The following ARHGEF28 variants were observed in gnomAD, a reference collection of about 807,000 sequenced individuals.
The protein encoded by ARHGEF28 is Rho guanine nucleotide exchange factor 28, also known as 190 kDa guanine nucleotide exchange factor.
ARHGEF28 carries 152 observed loss-of-function variants against 206.6 expected under a neutral mutation model. The observed-to-expected ratio is 0.74, with a 90% confidence interval of 0.64 to 0.84. ARHGEF28 has a LOEUF of 0.84. Ranked by LOEUF, ARHGEF28 falls within the 40% of genes least tolerant of loss-of-function variation. The pLI is 0.00. For missense variants in ARHGEF28, 2,028 were observed against 2,073.2 expected (o/e 0.98, Z 0.42); for synonymous variants, 763 against 776.4 (o/e 0.98, Z 0.29).
chr5:73,871,146 C>G (rs956956454), intron 21 of ARHGEF28, among the ~76,000 whole-genome samples: 3 of 152,190 alleles, frequency 2.0e-5, no homozygotes, highest in Non-Finnish European at 4.4e-5. Flanking sequence ...TCTCAATTCT[C>G]AATTTCATAT....
chr5:73,940,799 C>T, intron 35 of ARHGEF28, 45 bp from the exon 36 acceptor site: 14 of 1,387,402 alleles, frequency 1.0e-5, no homozygotes, highest in Non-Finnish European at 1.2e-5. Flanking sequence ...CTGCCTTGTA[C>T]ATCTCAGGTG....
chr5:73,809,931 G>A (rs1755746532), intron 9 of ARHGEF28, among the ~76,000 whole-genome samples: 2 of 152,132 alleles, frequency 1.3e-5, no homozygotes, highest in Admixed American at 6.5e-5. Flanking sequence ...CAATCAGCCA[G>A]TAACAGTCAC....
chr5:73,887,720 A>G, intron 26 of ARHGEF28, 41 bp downstream of exon 26: 1 of 1,466,098 alleles, frequency 6.8e-7, no homozygotes, highest in East Asian at 2.5e-5. Flanking sequence ...AAATAGGTTT[A>G]ACCACACATT....
chr5:73,902,820 C>T (rs1319224299), intron 31 of ARHGEF28: 2 of 152,172 alleles, frequency 1.3e-5, no homozygotes, highest in Non-Finnish European at 2.9e-5. Context: ...GCATAAGTAA[C>T]CGCGGGTAGC....
chr5:73,713,953 T>A lies in ARHGEF28; in HGVS notation c.33+29069T>A, dbSNP rs974962202. 3.3e-5 allele frequency among the ~76,000 whole-genome samples: 5 copies of A among 152,170 alleles called. No individual in the cohort carries two copies. In the East Asian group the frequency reaches 9.6e-4, roughly 29 times the overall value. On this transcript the variant is annotated intron_variant, in intron 2 of 35. Coordinates refer to ENST00000513042, the MANE Select transcript of ARHGEF28 (RefSeq NM_001177693.2). ...TTAAACAGAAATCATTAATTTATCA[T>A]CAGGGAAAATGAAGGAAAGAAAGAG...
intron 7 of ARHGEF28, 101 bp from the exon 8 acceptor site, chr5:73,794,301 G>A: frequency 2.2e-6 from 2 of 927,270 alleles, no homozygotes; most frequent in Non-Finnish European, 1.7e-6. Context: ...TCTCTGTGCA[G>A]AAGGCTCCTG....
chr5:73,926,472 C>A (rs1763816106), intron 35 of ARHGEF28, among the ~76,000 whole-genome samples: 1 of 152,154 alleles, frequency 6.6e-6, no homozygotes, highest in Admixed American at 6.5e-5. Context: ...CAAGACCCTC[C>A]CAAACCTCCT....
intron 22 of ARHGEF28, among the ~76,000 whole-genome samples, chr5:73,881,530 G>A (rs2973582): frequency 0.59 from 90,156 of 151,960 alleles, 27,366 homozygotes; most frequent in African/African-American, 0.7. Flanking sequence ...GTACCCAGGT[G>A]ATTTTTTTGA....
Position 73,926,051 on chromosome 5 carries a change from T to C in ARHGEF28, c.4948+14476T>C, listed in dbSNP as rs1303729896. Among the ~76,000 whole-genome samples the C allele has an allele frequency of 6.6e-5, 10 of 152,346 alleles. No homozygotes were observed. The East Asian group carries it at 1.9e-3, about 29-fold the overall frequency. On this transcript the variant is annotated intron_variant, in intron 35 of 35. Transcript: ENST00000513042. ...ACTGTGAAATAGTGATTGTCCTGAC[T>C]ACAAACCTCCATGGTGCTGAGACCA... is the stretch of plus-strand genomic sequence containing the variant.
chr5:73,685,828 G>A (rs1747430991), intron 2 of ARHGEF28, among the ~76,000 whole-genome samples: 1 of 151,834 alleles, frequency 6.6e-6, no homozygotes, highest in Non-Finnish European at 1.5e-5. Context: ...TCACCATGTT[G>A]GCCAAGATGG....
chr5:73,893,761 C>T (rs1761791437), intron 28 of ARHGEF28, among the ~76,000 whole-genome samples: 1 of 152,166 alleles, frequency 6.6e-6, no homozygotes, highest in Non-Finnish European at 1.5e-5. Flanking sequence ...CCTCACCCTC[C>T]ACCGATTGAA....
At chr5:73,840,885 CT>C in intron 11 of ARHGEF28, 125 bp downstream of exon 11, 3 of 1,078,126 alleles carry the variant, frequency 2.8e-6, no homozygotes, top group Non-Finnish European at 2.6e-6. Context: ...AAAATGTCCC[CT>C]TTTAGGTTCC....
chr5:73,819,468 A>C (rs1317033447), intron 9 of ARHGEF28, among the ~76,000 whole-genome samples: 2 of 152,202 alleles, frequency 1.3e-5, no homozygotes, highest in Admixed American at 1.3e-4. Context: ...AAGCATAGCC[A>C]ATCGGAATCC....
At chr5:73,925,829 A>G (rs1208383617) in intron 35 of ARHGEF28, among the ~76,000 whole-genome samples, 1 of 152,152 alleles carries the variant, frequency 6.6e-6, no homozygotes, top group Non-Finnish European at 1.5e-5. Context: ...GAATATTCCA[A>G]AGTTTACTTA....
intron 2 of ARHGEF28, among the ~76,000 whole-genome samples, chr5:73,742,472 T>C (rs1751488957): frequency 6.6e-6 from 1 of 152,026 alleles, no homozygotes; most frequent in East Asian, 1.9e-4. Context: ...AGTTATGCAT[T>C]CTTTTGGTGG....
intron 35 of ARHGEF28, among the ~76,000 whole-genome samples, chr5:73,938,931 C>CTTT (rs200516722): frequency 1.5e-3 from 177 of 120,620 alleles, no homozygotes; most frequent in African/African-American, 4.5e-3. Context: ...ATTAATATGT[C>CTTT]TTTTTTTTTT....
intron 2 of ARHGEF28, among the ~76,000 whole-genome samples, chr5:73,698,926 G>A (rs1436453655): frequency 6.6e-6 from 1 of 151,922 alleles, no homozygotes; most frequent in Non-Finnish European, 1.5e-5. Context: ...TGGGAGAGGA[G>A]GCTGGAGCCA....
At chr5:73,747,242 A>G (rs1751768071) in intron 2 of ARHGEF28, among the ~76,000 whole-genome samples, 1 of 152,200 alleles carries the variant, frequency 6.6e-6, no homozygotes. Context: ...ATGTAATTGG[A>G]TCCAGATGGG....
intron 35 of ARHGEF28, among the ~76,000 whole-genome samples, chr5:73,918,761 G>A (rs1763356637): frequency 6.6e-6 from 1 of 152,152 alleles, no homozygotes; most frequent in Non-Finnish European, 1.5e-5. Context: ...TGAGAAGTAA[G>A]ATACATGGAT....
Sources: gnomAD v4.1 joint callset for allele counts (sites outside exome capture counted in the v4.1 genomes callset) on GRCh38, gnomAD v4.1.1 for gene constraint, MANE v1.5 for transcripts, NCBI Gene and HGNC (gene_info 2026-07-23, HGNC 2026-07-21) for gene names.